Variants in TATDN2 observed in about 807,000 individuals in gnomAD.
TATDN2 encodes TatD DNase domain containing 2.
TATDN2 carries 44 observed loss-of-function variants against 60.3 expected under a neutral mutation model. That is an observed-to-expected ratio of 0.73 (90% confidence interval 0.57 to 0.94). The LOEUF (loss-of-function observed/expected upper bound fraction) is 0.94, where lower values mean the gene tolerates loss of function less well. Ranked by LOEUF, TATDN2 falls within the 40% of genes least tolerant of loss-of-function variation. The pLI, the probability that TATDN2 is intolerant of heterozygous loss-of-function variation, is 0.00. For missense variants in TATDN2, 997 were observed against 948.0 expected (o/e 1.05, Z -0.68); for synonymous variants, 399 against 355.8 (o/e 1.12, Z -1.37).
At chr3:10,267,264 AC>A (rs1313410806) in intron 3 of TATDN2, among the ~76,000 whole-genome samples, 1 of 126,104 alleles carries the variant, frequency 7.9e-6, no homozygotes, top group East Asian at 2.2e-4. Context: ...TTTCCCCCAC[AC>A]CCCCCGACAA....
chr3:10,265,439 T>G (rs1420953517), intron 3 of TATDN2, among the ~76,000 whole-genome samples: 1 of 150,800 alleles, frequency 6.6e-6, no homozygotes, highest in Admixed American at 6.6e-5. Context: ...CCCAGCACTT[T>G]GGGAGGCTGA....
At chr3:10,250,051 G>A (rs886640591) in intron 2 of TATDN2, among the ~76,000 whole-genome samples, 3 of 152,098 alleles carry the variant, frequency 2.0e-5, no homozygotes, top group African/African-American at 7.2e-5. Context: ...TTAAAGAATT[G>A]TGTGCCCTTG....
intron 3 of TATDN2, among the ~76,000 whole-genome samples, chr3:10,263,188 C>G (rs1286725482): frequency 6.6e-6 from 1 of 151,608 alleles, no homozygotes; most frequent in Non-Finnish European, 1.5e-5. Flanking sequence ...TGTGAGCCAC[C>G]GTGCCCAACC....
chr3:10,266,367 A>G (rs149098899), intron 3 of TATDN2, among the ~76,000 whole-genome samples: 5 of 152,306 alleles, frequency 3.3e-5, no homozygotes, highest in African/African-American at 9.6e-5. Context: ...CCAAACTTCT[A>G]TTTATGAGAC....
chr3:10,271,760 G>GA (rs1259957742), intron 4 of TATDN2, among the ~76,000 whole-genome samples: 1 of 151,612 alleles, frequency 6.6e-6, no homozygotes, highest in Non-Finnish European at 1.5e-5. Context: ...ACCCAGGCTG[G>GA]AGGGCAGTGG....
intron 3 of TATDN2, among the ~76,000 whole-genome samples, chr3:10,263,476 A>G (rs1698435997): frequency 1.3e-5 from 2 of 151,302 alleles, no homozygotes; most frequent in Non-Finnish European, 2.9e-5. Context: ...CTGTAATTTT[A>G]TTGCCTTTCT....
intron 3 of TATDN2, among the ~76,000 whole-genome samples, chr3:10,267,508 T>C (rs769844843): frequency 1.3e-5 from 2 of 152,230 alleles, no homozygotes; most frequent in Admixed American, 6.5e-5. Context: ...GAGAACTGTA[T>C]GTGGCAATTT....
At chr3:10,254,295 G>A (rs932676111) in intron 2 of TATDN2, among the ~76,000 whole-genome samples, 1 of 152,194 alleles carries the variant, frequency 6.6e-6, no homozygotes, top group Non-Finnish European at 1.5e-5. Context: ...CCATCAGGAA[G>A]GTCCTCACAG....
At chr3:10,265,393 A>G (rs543285114) in intron 3 of TATDN2, among the ~76,000 whole-genome samples, 37 of 124 alleles carry the variant, frequency 0.3, no homozygotes, top group Admixed American at 0.5. Flanking sequence ...TTAAAAATTA[A>G]AAATTTTAGC....
At position 10,260,357 on chromosome 3, in the gene TATDN2, C is replaced by G; in HGVS notation, c.635C>G (p.Pro212Arg). The change falls in exon 3 of 8, where the codon CCA becomes CGA. Residue 212 changes from proline (P) to arginine (R), a missense_variant. Transcript: ENST00000448281. ...RKGEAATRAK[P>R]SAAEHPSHGE... is the part of the protein sequence containing the mutation. ...GGAGAGGCTGCCACTCGGGCAAAAC[C>G]AAGCGCAGCAGAGCATCCCAGCCAT... 2 of 1,614,134 alleles carry G rather than the reference C, an allele frequency of 1.2e-6. No homozygotes were observed. Among genetic ancestry groups the G allele is most frequent in the Non-Finnish European group, 1.7e-6 (2 of 1,180,010 alleles).
At position 10,270,716 on chromosome 3, in the gene TATDN2, C is replaced by A. The variant is rs930736683; in HGVS notation, c.1534C>A (p.Gln512Lys). 2.5e-6 allele frequency: 4 copies of A among 1,614,208 alleles called. No individual in the cohort carries two copies. Among genetic ancestry groups the A allele is most frequent in the Non-Finnish European group, 3.4e-6 (4 of 1,180,038 alleles). Residue 512 changes from glutamine (Q) to lysine (K), a missense_variant, in exon 4 of 8, where the codon CAA (glutamine) becomes AAA (lysine). Gln to Lys is a moderately conservative substitution (Grantham distance 53, BLOSUM62 1). Transcript: ENST00000448281. ...LDMLYSKLSF[Q>K]GTFTKFRKIY... The stretch of plus-strand genomic sequence containing the variant: ...CATGCTCTATTCCAAGCTATCTTTC[C>A]AAGGGACCTTTACAAAGTTCAGAAA...
chr3:10,254,354 A>G (rs1024091852), intron 2 of TATDN2, among the ~76,000 whole-genome samples: 13 of 152,342 alleles, frequency 8.5e-5, no homozygotes, highest in African/African-American at 3.1e-4. Context: ...GGGACAGGAC[A>G]TTTCGGGCAT....
chr3:10,278,610 C>T lies in TATDN2; in HGVS notation c.2145+148C>T. On this transcript the variant is annotated intron_variant, in intron 6 of 7. Coordinates refer to ENST00000448281, the MANE Select transcript of TATDN2 (RefSeq NM_014760.4). The surrounding 1 kb of genome is among the most constrained non-coding windows in gnomAD (Gnocchi z 4.7). ...TAGATGCCTCCTTGCTGTTACTCTG[C>T]AGAACCAAAAGTCTAGGGGGCTGAG... 1.7e-6 allele frequency: 2 copies of T among 1,163,806 alleles called. No individual in the cohort carries two copies. Among genetic ancestry groups the T allele is most frequent in the Non-Finnish European group, 2.5e-6 (2 of 790,258 alleles). The allele number at this position is 1,163,806 out of a possible 1,614,324, so 72.1% of individuals were successfully genotyped here.
chr3:10,278,444 C>T lies in TATDN2; in HGVS notation c.2127C>T (p.Pro709=). 3 of 1,612,826 alleles carry T rather than the reference C, an allele frequency of 1.9e-6. No homozygotes were observed. The highest frequency in any genetic ancestry group is 2.5e-6 in the Non-Finnish European group (3 of 1,178,982). ...LERIIVETDA[P]YFLPRQVPKS... is the part of the protein sequence containing the mutation. ...GAATCATCGTGGAAACGGATGCTCC[C>T]TATTTCCTCCCTCGCCAGGTAAGGG... The change falls in exon 6 of 8, where the codon CCC becomes CCT. Residue 709 remains proline, a synonymous_variant. Transcript: ENST00000448281. The surrounding 1 kb of genome is among the most constrained non-coding windows in gnomAD (Gnocchi z 4.7).
chr3:10,275,246 T>C (rs1052731537), intron 4 of TATDN2, among the ~76,000 whole-genome samples: 1 of 152,114 alleles, frequency 6.6e-6, no homozygotes, highest in Non-Finnish European at 1.5e-5. Flanking sequence ...CCCAAAGTGC[T>C]GGGATTACAG....
chr3:10,269,822 A>G lies in TATDN2; in HGVS notation c.949-309A>G, dbSNP rs1411976507. ...AAATCTCCAATCCGGAGTGTGTTCT[A>G]GAGAGCAGTTTTTCTCAAGAGAAAG... On this transcript the variant is annotated intron_variant, in intron 3 of 7. Transcript: ENST00000448281. Among the ~76,000 whole-genome samples the G allele has an allele frequency of 3.3e-5, 5 of 152,322 alleles. No individual in the cohort carries two copies. The East Asian group carries it at 7.7e-4, about 23-fold the overall frequency.
chr3:10,268,031 T>A (rs1698503198), intron 3 of TATDN2, among the ~76,000 whole-genome samples: 1 of 152,248 alleles, frequency 6.6e-6, no homozygotes, highest in South Asian at 2.1e-4. Flanking sequence ...GATAAGTTTT[T>A]AAAGGTTTTA....
At chr3:10,253,720 G>A (rs775703435) in intron 2 of TATDN2, among the ~76,000 whole-genome samples, 1 of 152,200 alleles carries the variant, frequency 6.6e-6, no homozygotes, top group Non-Finnish European at 1.5e-5. Flanking sequence ...CAAAAGTGTC[G>A]TGAAGTAGGT....
intron 2 of TATDN2, among the ~76,000 whole-genome samples, chr3:10,257,598 AAAAAAAAAAAAAAC>A (rs1268740996): frequency 2.1e-5 from 2 of 93,710 alleles, no homozygotes; most frequent in Non-Finnish European, 3.9e-5. Context: ...CACTGTCTCC[AAAAAAAAAAAAAAC>A]AAAAAAAAAA....
Sources: gnomAD v4.1 joint callset for allele counts (sites outside exome capture counted in the v4.1 genomes callset) on GRCh38, gnomAD v4.1.1 for gene constraint, Gnocchi (gnomAD v3.1) non-coding constraint, MANE v1.5 for transcripts, NCBI Gene and HGNC (gene_info 2026-07-23, HGNC 2026-07-21) for gene names.